SPTBN1: variants seen among roughly 807,000 people sequenced by gnomAD.
SPTBN1 encodes spectrin beta chain, non-erythrocytic 1.
A neutral mutation model predicts 266.4 loss-of-function variants in SPTBN1; 32 were observed. That is an observed-to-expected ratio of 0.12 (90% CI 0.09 to 0.16). The LOEUF is 0.16. Among genes scored for constraint, SPTBN1 ranks in the 10% least tolerant of loss-of-function variants. The pLI, the probability that SPTBN1 is intolerant of heterozygous loss-of-function variation, is 1.00. For synonymous variants in SPTBN1, 1,336 were observed against 1,162.2 expected, an observed-to-expected ratio of 1.15 and a Z score of -3.04; for missense variants, 2,296 against 3,067.1, an observed-to-expected ratio of 0.75 and a Z score of 5.94.
At chr2:54,498,149 G>T (rs1469366866) in intron 1 of SPTBN1, among the ~76,000 whole-genome samples, 1 of 152,180 alleles carries the variant, frequency 6.6e-6, no homozygotes, top group Non-Finnish European at 1.5e-5. Context: ...ACTTCAGTCT[G>T]TGGAGCCAAA....
chr2:54,655,813 TG>T, intron 28 of SPTBN1, 100 bp from the exon 29 acceptor site: 1 of 817,926 alleles, frequency 1.2e-6, no homozygotes, highest in Non-Finnish European at 2.0e-6. Flanking sequence ...AGCTTAATGG[TG>T]GTCTTTGCAG....
At chr2:54,500,117 C>T (rs540453121) in intron 1 of SPTBN1, among the ~76,000 whole-genome samples, 21 of 152,226 alleles carry the variant, frequency 1.4e-4, no homozygotes, top group Non-Finnish European at 2.2e-4. Flanking sequence ...ATGTTTTAGG[C>T]GGTTTTTCAT....
chr2:54,626,330 C>T lies in SPTBN1; in HGVS notation c.1644+96C>T. 1 of 1,398,516 alleles carries T rather than the reference C, an allele frequency of 7.2e-7. No homozygotes were observed. Among genetic ancestry groups the T allele is most frequent in the Non-Finnish European group, 9.6e-7 (1 of 1,041,324 alleles). 86.6% of individuals were successfully genotyped at this position (1,398,516 alleles called of 1,614,324 possible). On this transcript the variant is annotated intron_variant, in intron 12 of 35. Transcript: ENST00000356805. The surrounding 1 kb of genome is among the most constrained non-coding windows in gnomAD (Gnocchi z 4.7). The stretch of plus-strand genomic sequence containing the variant: ...CTAAACCCCTACGTACAGCTGTGTG[C>T]CTTGTCTAACTGCCCACATGTACAG...
At chr2:54,632,341 C>A (rs1486391754) in intron 16 of SPTBN1, among the ~76,000 whole-genome samples, 1 of 151,950 alleles carries the variant, frequency 6.6e-6, no homozygotes, top group Non-Finnish European at 1.5e-5. Flanking sequence ...TTTCCTCACT[C>A]TCTTTGGAAA....
At chr2:54,493,745 G>C (rs142267006) in intron 1 of SPTBN1, among the ~76,000 whole-genome samples, 1 of 152,138 alleles carries the variant, frequency 6.6e-6, no homozygotes, top group African/African-American at 2.4e-5. Context: ...TGAAGAAGAG[G>C]GTCCAAGACT....
At chr2:54,578,518 G>A (rs1292012657) in intron 2 of SPTBN1, among the ~76,000 whole-genome samples, 1 of 152,146 alleles carries the variant, frequency 6.6e-6, no homozygotes, top group East Asian at 1.9e-4. Context: ...TTTGCATTGT[G>A]TTTTCAGGCC....
chr2:54,669,471 A>G lies in SPTBN1; in HGVS notation c.*902A>G, dbSNP rs1681604440. On this transcript the variant is annotated 3_prime_UTR_variant, in exon 36 of 36. Coordinates refer to ENST00000356805, the MANE Select transcript of SPTBN1 (RefSeq NM_003128.3). ...CCTTGCTATTTGATACATAGTGTGC[A>G]TTTCTCTGTCACTGTAACTATTGTA... The G allele has an allele frequency of 1.3e-5, 2 of 152,630 alleles. No homozygotes were observed. Among genetic ancestry groups the G allele is most frequent in the African/African-American group, 4.8e-5 (2 of 41,454 alleles). The allele number at this position is 152,630 out of a possible 1,614,324, so 9.5% of individuals were successfully genotyped here. A position where few individuals can be genotyped will look rare whatever the true frequency, so the allele number is the denominator to read the frequency against.
intron 2 of SPTBN1, 121 bp from the exon 3 acceptor site, chr2:54,598,971 G>T (rs1676289582): frequency 9.8e-7 from 1 of 1,016,038 alleles, no homozygotes; most frequent in Non-Finnish European, 1.5e-6. Context: ...CTAAGTAGAG[G>T]TGTCCTTGGA....
At chr2:54,504,177 C>T (rs956093967) in intron 1 of SPTBN1, among the ~76,000 whole-genome samples, 5 of 152,152 alleles carry the variant, frequency 3.3e-5, no homozygotes, top group Non-Finnish European at 7.3e-5. Flanking sequence ...TGAGGTGCCC[C>T]CACCTCCCCT....
Position 54,670,470 on chromosome 2 carries a change from C to T in SPTBN1, c.*1901C>T. Reference sequence around the variant, plus strand: ...GGCATCAAAGCTTTCTCTTAACTCTCTTACCTCTAGGCAAACTGAGACCTC... The same window carrying T: ...GGCATCAAAGCTTTCTCTTAACTCTTTTACCTCTAGGCAAACTGAGACCTC... On this transcript the variant is annotated 3_prime_UTR_variant, in exon 36 of 36. Coordinates refer to ENST00000356805, the MANE Select transcript of SPTBN1 (RefSeq NM_003128.3). 2.6e-6 allele frequency: 1 copy of T among 384,756 alleles called. No homozygotes were observed. The highest frequency in any genetic ancestry group is 4.5e-5 in the Admixed American group (1 of 22,292). 23.8% of individuals were successfully genotyped at this position (384,756 alleles called of 1,614,324 possible). A position where few individuals can be genotyped will look rare whatever the true frequency, so the allele number is the denominator to read the frequency against.
Position 54,554,589 on chromosome 2 carries a change from A to G in SPTBN1, c.148+28023A>G, listed in dbSNP as rs1247063941. Among the ~76,000 whole-genome samples, 1 of 152,174 alleles carries G rather than the reference A, an allele frequency of 6.6e-6. No individual in the cohort carries two copies. The highest frequency in any genetic ancestry group is 1.5e-5 in the Non-Finnish European group (1 of 68,028). ...CAGAAGGAATTTTTTATGACCATAG[A>G]TTCCAAACTGTTTGGTTTATAGACG... On this transcript the variant is annotated intron_variant, in intron 2 of 35. Transcript: ENST00000356805. The surrounding 1 kb of genome is among the most constrained non-coding windows in gnomAD (Gnocchi z 4.5).
chr2:54,543,118 T>C (rs1432997427), intron 2 of SPTBN1, among the ~76,000 whole-genome samples: 2 of 152,178 alleles, frequency 1.3e-5, no homozygotes, highest in African/African-American at 4.8e-5. Flanking sequence ...TCGGGGCTGA[T>C]GCTGAGGAAG....
At chr2:54,462,848 G>C (rs948017379) in intron 1 of SPTBN1, among the ~76,000 whole-genome samples, 1 of 152,222 alleles carries the variant, frequency 6.6e-6, no homozygotes, top group African/African-American at 2.4e-5. Context: ...GTTCCTGGCA[G>C]ACATCGAAAA....
intron 1 of SPTBN1, among the ~76,000 whole-genome samples, chr2:54,522,674 GA>G (rs1178894791): frequency 3.2e-5 from 3 of 94,514 alleles, no homozygotes; most frequent in African/African-American, 1.2e-4. Context: ...GAGAGAGAGA[GA>G]GAGGAGAGAG....
intron 5 of SPTBN1, among the ~76,000 whole-genome samples, chr2:54,616,593 C>T (rs902805620): frequency 2.0e-5 from 3 of 152,138 alleles, no homozygotes; most frequent in Non-Finnish European, 4.4e-5. Context: ...GGAATCATAT[C>T]CATGATATTT....
At chr2:54,667,505 T>C in intron 34 of SPTBN1, 99 bp from the exon 35 acceptor site, 2 of 1,162,512 alleles carry the variant, frequency 1.7e-6, no homozygotes, top group Middle Eastern at 2.0e-4. Context: ...CTGTTGTGAC[T>C]CCTGTGGTCT....
intron 32 of SPTBN1, chr2:54,662,429 C>T: frequency 1.6e-6 from 1 of 615,540 alleles, no homozygotes; most frequent in Non-Finnish European, 2.0e-6. Flanking sequence ...CAGAATTATC[C>T]TCAGAAGAGG....
chr2:54,570,447 A>G (rs1180057287), intron 2 of SPTBN1, among the ~76,000 whole-genome samples: 1 of 152,208 alleles, frequency 6.6e-6, no homozygotes, highest in Non-Finnish European at 1.5e-5. Context: ...ATTCATGAAG[A>G]ATGTGAGCAA....
At chr2:54,505,083 G>C (rs1356559709) in intron 1 of SPTBN1, among the ~76,000 whole-genome samples, 1 of 152,184 alleles carries the variant, frequency 6.6e-6, no homozygotes, top group African/African-American at 2.4e-5. Context: ...ACATAGAGCT[G>C]GAAAAGCCAT....
Sources: gnomAD v4.1 joint callset for allele counts (sites outside exome capture counted in the v4.1 genomes callset) on GRCh38, gnomAD v4.1.1 for gene constraint, Gnocchi (gnomAD v3.1) non-coding constraint, MANE v1.5 for transcripts, NCBI Gene and HGNC (gene_info 2026-07-23, HGNC 2026-07-21) for gene names.